The following CDH8 variants were observed in gnomAD, a reference collection of about 807,000 sequenced individuals.
CDH8 encodes cadherin-8.
CDH8 carries 17 observed loss-of-function variants against 68.1 expected under a neutral mutation model. The observed-to-expected ratio is 0.25, with a 90% confidence interval of 0.17 to 0.37. CDH8 has a LOEUF of 0.37. CDH8 is among the 10% of genes least tolerant of loss of function. The probability of loss-of-function intolerance (pLI) is 1.00; values close to 1 mark genes in which losing one functional copy is unlikely to be tolerated. For synonymous variants in CDH8, 372 were observed against 365.1 expected, an observed-to-expected ratio of 1.02 and a Z score of -0.21; for missense variants, 763 against 999.3, an observed-to-expected ratio of 0.76 and a Z score of 3.19.
chr16:61,772,002 G>A (rs1403429471), intron 8 of CDH8, among the ~76,000 whole-genome samples: 1 of 151,810 alleles, frequency 6.6e-6, no homozygotes, highest in African/African-American at 2.4e-5. Flanking sequence ...CATCATTCCA[G>A]GCTTATTTGA....
chr16:61,807,687 T>G (rs933508172), intron 7 of CDH8, among the ~76,000 whole-genome samples: 5 of 152,120 alleles, frequency 3.3e-5, no homozygotes, highest in Non-Finnish European at 7.4e-5. Flanking sequence ...CATCTCAGTT[T>G]CAGAAAATCC....
intron 8 of CDH8, among the ~76,000 whole-genome samples, chr16:61,771,126 A>G (rs1478833437): frequency 6.6e-6 from 1 of 151,818 alleles, no homozygotes; most frequent in Non-Finnish European, 1.5e-5. Context: ...TCCATGTCTA[A>G]CCAATCATTT....
intron 2 of CDH8, among the ~76,000 whole-genome samples, chr16:62,014,440 G>C (rs1901888646): frequency 6.6e-6 from 1 of 152,124 alleles, no homozygotes; most frequent in South Asian, 2.1e-4. Context: ...CTCTGTCTGA[G>C]TAGGTAGAAG....
At chr16:61,834,498 T>C (rs957525196) in intron 4 of CDH8, among the ~76,000 whole-genome samples, 4 of 151,974 alleles carry the variant, frequency 2.6e-5, no homozygotes, top group Non-Finnish European at 5.9e-5. Context: ...CATTTCATAA[T>C]TGACATTTGA....
chr16:61,762,667 C>A (rs1960499381), intron 8 of CDH8, among the ~76,000 whole-genome samples: 1 of 152,120 alleles, frequency 6.6e-6, no homozygotes, highest in African/African-American at 2.4e-5. Flanking sequence ...AATAGTCCTT[C>A]CAGGTGAGCG....
At chr16:61,920,458 C>G (rs1188933285) in intron 2 of CDH8, among the ~76,000 whole-genome samples, 1 of 148,440 alleles carries the variant, frequency 6.7e-6, no homozygotes, top group Non-Finnish European at 1.5e-5. Flanking sequence ...TGAACAGACA[C>G]TTCTCAAAAG....
At chr16:61,905,465 A>T (rs1197313994) in intron 2 of CDH8, among the ~76,000 whole-genome samples, 1 of 151,996 alleles carries the variant, frequency 6.6e-6, no homozygotes, top group Non-Finnish European at 1.5e-5. Flanking sequence ...TATGGTTATT[A>T]TTAATGTATT....
intron 3 of CDH8, among the ~76,000 whole-genome samples, chr16:61,860,949 A>G (rs948034120): frequency 6.6e-6 from 1 of 152,232 alleles, no homozygotes; most frequent in East Asian, 1.9e-4. Flanking sequence ...TGAAACGCTT[A>G]TCTGTTTCTT....
intron 1 of CDH8, among the ~76,000 whole-genome samples, chr16:62,029,005 C>A (rs1182618393): frequency 1.3e-5 from 2 of 152,190 alleles, no homozygotes; most frequent in African/African-American, 4.8e-5. Context: ...TGTGGAAAGC[C>A]CCATGAGATA....
At chr16:62,002,885 C>T (rs1480545772) in intron 2 of CDH8, among the ~76,000 whole-genome samples, 1 of 152,120 alleles carries the variant, frequency 6.6e-6, no homozygotes, top group Admixed American at 6.5e-5. Flanking sequence ...AACCCCGTCT[C>T]TACTAAAAAT....
rs373456045 is a variant in CDH8, at chr16:62,013,628, G to C, written c.252+7524C>G. On this transcript the variant is annotated intron_variant, in intron 2 of 11. Transcript: ENST00000577390. ...TCTTGCCTTTGATATTTATTAAGTTGCAACCACACTCTTATGTTATAAATC... is the reference window on the plus strand; with the variant it reads ...TCTTGCCTTTGATATTTATTAAGTTCCAACCACACTCTTATGTTATAAATC... Among the ~76,000 whole-genome samples the C allele has an allele frequency of 9.2e-5, 14 of 151,926 alleles. No homozygotes were observed. In the East Asian group the frequency reaches 1.4e-3, roughly 15 times the overall value.
At chr16:62,018,048 C>T (rs185843947) in intron 2 of CDH8, among the ~76,000 whole-genome samples, 2 of 152,284 alleles carry the variant, frequency 1.3e-5, no homozygotes, top group Admixed American at 6.5e-5. Flanking sequence ...ATATAGCAGG[C>T]ACTATGCTTC....
intron 2 of CDH8, among the ~76,000 whole-genome samples, chr16:61,926,155 GTGT>G (rs1964453645): frequency 1.4e-5 from 1 of 70,602 alleles, no homozygotes; most frequent in Non-Finnish European, 3.1e-5. Context: ...CAGAAGGGGT[GTGT>G]GTGTGTGTGT....
intron 1 of CDH8, among the ~76,000 whole-genome samples, chr16:62,023,366 C>T (rs1902120330): frequency 6.6e-6 from 1 of 152,134 alleles, no homozygotes; most frequent in Admixed American, 6.5e-5. Flanking sequence ...CCAGCTCACC[C>T]TGCTTGCTGT....
chr16:61,936,002 A>C (rs1964621512), intron 2 of CDH8, among the ~76,000 whole-genome samples: 1 of 152,160 alleles, frequency 6.6e-6, no homozygotes, highest in Admixed American at 6.5e-5. Flanking sequence ...AATCCCAGAG[A>C]CCCACCACAT....
At chr16:62,018,327 A>G (rs534820341) in intron 2 of CDH8, among the ~76,000 whole-genome samples, 1 of 152,304 alleles carries the variant, frequency 6.6e-6, no homozygotes, top group South Asian at 2.1e-4. Flanking sequence ...GCTTGAACTC[A>G]GCCTGCTAGG....
chr16:61,657,700 T>C (rs1385354169), intron 10 of CDH8, among the ~76,000 whole-genome samples: 1 of 152,112 alleles, frequency 6.6e-6, no homozygotes, highest in African/African-American at 2.4e-5. Context: ...AAACAAAAGA[T>C]AGAATTTGTT....
intron 4 of CDH8, among the ~76,000 whole-genome samples, chr16:61,849,458 T>C (rs1293931290): frequency 6.6e-6 from 1 of 152,144 alleles, no homozygotes; most frequent in Non-Finnish European, 1.5e-5. Context: ...ACTCCTGTGC[T>C]ATGCCAAGAG....
chr16:61,890,602 G>C (rs1195369778), intron 3 of CDH8, among the ~76,000 whole-genome samples: 3 of 152,160 alleles, frequency 2.0e-5, no homozygotes, highest in Non-Finnish European at 4.4e-5. Context: ...AAGAGGAAGA[G>C]ATTGTTAAAT....
Sources: allele counts gnomAD v4.1 joint callset (sites outside exome capture counted in the v4.1 genomes callset), GRCh38; gene constraint gnomAD v4.1.1; transcripts MANE v1.5; gene names NCBI Gene and HGNC (gene_info 2026-07-23, HGNC 2026-07-21).